Variants in LRBA observed in about 807,000 individuals in gnomAD.
The protein encoded by LRBA is LPS responsive beige-like anchor protein, also known as lipopolysaccharide-responsive and beige-like anchor protein.
In LRBA, 176 loss-of-function variants were observed where a neutral mutation model predicts 330.0. The ratio of observed to expected loss-of-function variants is 0.53; its 90% confidence interval spans 0.47 to 0.60. LRBA has a LOEUF of 0.60. LRBA is among the 20% of genes least tolerant of loss of function. The probability of loss-of-function intolerance (pLI) is 0.00; values close to 1 mark genes in which losing one functional copy is unlikely to be tolerated. For missense variants in LRBA, 3,259 were observed against 3,444.8 expected (o/e 0.95, Z 1.35); for synonymous variants, 1,230 against 1,193.0 (o/e 1.03, Z -0.64).
intron 41 of LRBA, among the ~76,000 whole-genome samples, chr4:150,489,058 A>ATATT (rs1561249017): frequency 1.1e-4 from 13 of 113,898 alleles, no homozygotes; most frequent in South Asian, 7.3e-4. Flanking sequence ...TATATATAAG[A>ATATT]ATATATAATA....
intron 37 of LRBA, among the ~76,000 whole-genome samples, chr4:150,666,561 T>A (rs1233310965): frequency 1.3e-5 from 2 of 152,070 alleles, no homozygotes; most frequent in Non-Finnish European, 2.9e-5. Context: ...AAAACAACCA[T>A]TTACATAGCA....
At chr4:150,654,156 G>A (rs577655049) in intron 37 of LRBA, among the ~76,000 whole-genome samples, 10 of 152,034 alleles carry the variant, frequency 6.6e-5, no homozygotes, top group African/African-American at 2.4e-4. Context: ...GTAAAATCTA[G>A]AAAACAAGGT....
rs72719677 is a variant in LRBA, at chr4:150,897,631, G to T, written c.2004+108C>A. Reference sequence around the variant, plus strand: ...AATATCTTTCAAAGTATTTTCCAATGTGTAACCACAGTAACCAAGCAAAGA... The same window carrying T: ...AATATCTTTCAAAGTATTTTCCAATTTGTAACCACAGTAACCAAGCAAAGA... On this transcript the variant is annotated intron_variant, in intron 15 of 56. Transcript: ENST00000651943. The T allele has an allele frequency of 1.3e-3, 985 of 758,528 alleles. 2 individuals are homozygous for T. The highest frequency in any genetic ancestry group is 1.7e-3 in the Non-Finnish European group (753 of 455,272). 47.0% of individuals were successfully genotyped at this position (758,528 alleles called of 1,614,324 possible). A position where few individuals can be genotyped will look rare whatever the true frequency, so the allele number is the denominator to read the frequency against.
At chr4:150,396,159 G>C (rs962776857) in intron 47 of LRBA, among the ~76,000 whole-genome samples, 1 of 152,130 alleles carries the variant, frequency 6.6e-6, no homozygotes, top group South Asian at 2.1e-4. Flanking sequence ...ATGAGTACCA[G>C]AACAGAATAA....
chr4:150,997,367 T>A (rs1015752456), intron 2 of LRBA, among the ~76,000 whole-genome samples: 1 of 152,244 alleles, frequency 6.6e-6, no homozygotes, highest in Non-Finnish European at 1.5e-5. Flanking sequence ...TTCAAGTGAC[T>A]ACCAAATGGT....
intron 36 of LRBA, among the ~76,000 whole-genome samples, chr4:150,728,829 A>T (rs900350646): frequency 1.3e-5 from 2 of 152,216 alleles, no homozygotes; most frequent in Non-Finnish European, 1.5e-5. Context: ...TATTCAACAT[A>T]GAACTGGAAG....
chr4:150,898,883 CTAAAT>C (rs1730414260), intron 14 of LRBA, among the ~76,000 whole-genome samples: 1 of 152,100 alleles, frequency 6.6e-6, no homozygotes, highest in Non-Finnish European at 1.5e-5. Flanking sequence ...TCATAGCTTG[CTAAAT>C]TATAGGTACC....
intron 52 of LRBA, among the ~76,000 whole-genome samples, chr4:150,303,300 A>T (rs527633088): frequency 2.0e-5 from 3 of 152,334 alleles, no homozygotes; most frequent in Admixed American, 1.3e-4. Flanking sequence ...ACAATATAAG[A>T]CACTTTGGAG....
In LRBA at chr4:150,264,891, C is replaced by G. The variant is rs146910132; in HGVS notation, c.*831G>C. ...ACCCGGTAGCCTCTATTTGCAAACC[C>G]GGGGAGGGAAGGGGGTGCCCCAACA... On this transcript the variant is annotated 3_prime_UTR_variant, in exon 57 of 57. Transcript: ENST00000651943. The G allele has an allele frequency of 9.4e-6, 1 of 106,626 alleles. No homozygotes were observed. Among genetic ancestry groups the G allele is most frequent in the South Asian group, 4.3e-4 (1 of 2,350 alleles). 6.6% of individuals were successfully genotyped at this position (106,626 alleles called of 1,614,324 possible).
chr4:150,583,449 G>A lies in LRBA; in HGVS notation c.6330+4599C>T. 6.2e-7 allele frequency: 1 copy of A among 1,613,876 alleles called. No homozygotes were observed. The highest frequency in any genetic ancestry group is 2.2e-5 in the East Asian group (1 of 44,858). On this transcript the variant is annotated intron_variant, in intron 40 of 56. Coordinates refer to ENST00000651943, the MANE Select transcript of LRBA (RefSeq NM_001364905.1). This position sits in a 1 kb window ranked among gnomAD's most constrained non-coding sequence, Gnocchi z 9.8. ...TCCAGACGCTGGTGGCCCAGGCGGTGGACAAGTGCAGCTATCGGGATGTGG... is the reference window on the plus strand; with the variant it reads ...TCCAGACGCTGGTGGCCCAGGCGGTAGACAAGTGCAGCTATCGGGATGTGG...
At chr4:150,298,626 G>T (rs890559347) in intron 53 of LRBA, among the ~76,000 whole-genome samples, 1 of 151,944 alleles carries the variant, frequency 6.6e-6, no homozygotes, top group African/African-American at 2.4e-5. Context: ...TCTAATTAAC[G>T]GTGCTGAAAT....
chr4:150,697,317 T>A (rs1287797018), intron 36 of LRBA, among the ~76,000 whole-genome samples: 1 of 30,682 alleles, frequency 3.3e-5, no homozygotes, highest in Non-Finnish European at 7.3e-5. Flanking sequence ...GAGTGAGACT[T>A]TGTCTCAGAA....
chr4:150,535,649 A>C (rs559490793), intron 40 of LRBA, among the ~76,000 whole-genome samples: 2 of 152,372 alleles, frequency 1.3e-5, no homozygotes, highest in East Asian at 3.9e-4. Flanking sequence ...TTCATAGATT[A>C]GAGAACTATC....
chr4:150,704,248 T>C (rs1785394420), intron 36 of LRBA, among the ~76,000 whole-genome samples: 1 of 152,026 alleles, frequency 6.6e-6, no homozygotes, highest in African/African-American at 2.4e-5. Flanking sequence ...ATTTGTTTTA[T>C]ATTATGAAAT....
intron 37 of LRBA, among the ~76,000 whole-genome samples, chr4:150,681,047 C>T (rs116186813): frequency 0.014 from 2,187 of 152,168 alleles, 56 homozygotes; most frequent in African/African-American, 0.048. Context: ...AGTTAAAAGA[C>T]AAAATGCTAC....
intron 37 of LRBA, among the ~76,000 whole-genome samples, chr4:150,658,232 T>A (rs1026722435): frequency 6.6e-6 from 1 of 152,064 alleles, no homozygotes; most frequent in African/African-American, 2.4e-5. Context: ...AGACCTATCT[T>A]GACCTTATTC....
intron 37 of LRBA, among the ~76,000 whole-genome samples, chr4:150,631,744 A>G (rs1777398577): frequency 6.6e-6 from 1 of 152,196 alleles, no homozygotes; most frequent in African/African-American, 2.4e-5. Flanking sequence ...TCCAATACTG[A>G]TGCCATTAAT....
chr4:150,654,519 A>T (rs191404496), intron 37 of LRBA, among the ~76,000 whole-genome samples: 2 of 152,076 alleles, frequency 1.3e-5, no homozygotes, highest in African/African-American at 2.4e-5. Flanking sequence ...CTATCTCTCT[A>T]CCTTGTCTCT....
At position 150,488,746 on chromosome 4, in the gene LRBA, AT is replaced by A. The variant is rs1292106549; in HGVS notation, c.6449-913del. On this transcript the variant is annotated intron_variant, in intron 41 of 56. Transcript: ENST00000651943. The stretch of plus-strand genomic sequence containing the variant: ...TTCTTCTCTACCAACCCTTAAAAAA[AT>A]ATTTAAAGCCAAAAAAAAAATATAC... 4.9e-5 allele frequency among the ~76,000 whole-genome samples: 5 copies of A among 101,040 alleles called. No homozygotes were observed. The East Asian group carries it at 1.3e-3, about 27-fold the overall frequency. 66.3% of individuals were successfully genotyped at this position (101,040 alleles called of 152,430 possible).
Sources: allele counts gnomAD v4.1 joint callset (sites outside exome capture counted in the v4.1 genomes callset), GRCh38; gene constraint gnomAD v4.1.1; non-coding constraint Gnocchi (gnomAD v3.1); transcripts MANE v1.5; gene names NCBI Gene and HGNC (gene_info 2026-07-23, HGNC 2026-07-21).